The following APBA1 variants were observed in gnomAD, a reference collection of about 807,000 sequenced individuals.
APBA1 encodes the protein amyloid beta precursor protein binding family A member 1, also known as amyloid-beta A4 precursor protein-binding family A member 1.
Under a neutral mutation model 86.6 loss-of-function variants are expected in APBA1, and 55 were observed. The ratio of observed to expected loss-of-function variants is 0.64; its 90% confidence interval spans 0.51 to 0.80. The LOEUF (loss-of-function observed/expected upper bound fraction) is 0.80, where lower values mean the gene tolerates loss of function less well. Ranked by LOEUF, APBA1 falls within the 30% of genes least tolerant of loss-of-function variation. The pLI is 0.00. For missense variants in APBA1, 1,090 were observed against 1,183.0 expected (o/e 0.92, Z 1.15); for synonymous variants, 511 against 493.9 (o/e 1.03, Z -0.46).
chr9:69,450,567 T>C (rs1169296037), intron 9 of APBA1, among the ~76,000 whole-genome samples: 1 of 152,138 alleles, frequency 6.6e-6, no homozygotes, highest in Non-Finnish European at 1.5e-5. Flanking sequence ...CTGCTGAAGC[T>C]TACAGTCAGC....
intron 4 of APBA1, among the ~76,000 whole-genome samples, chr9:69,468,669 A>C (rs558682850): frequency 6.6e-5 from 10 of 152,208 alleles, no homozygotes; most frequent in Non-Finnish European, 1.5e-4. Context: ...AGGAAAATCA[A>C]ATTTTCTGTT....
chr9:69,658,277 T>TTTC (rs1554709942), intron 1 of APBA1, among the ~76,000 whole-genome samples: 3 of 27,628 alleles, frequency 1.1e-4, no homozygotes, highest in African/African-American at 2.2e-4. Context: ...TCTTTCTTTC[T>TTTC]TTCTTTCTCT....
chr9:69,604,899 G>A (rs1822441098), intron 1 of APBA1, among the ~76,000 whole-genome samples: 1 of 152,124 alleles, frequency 6.6e-6, no homozygotes, highest in Non-Finnish European at 1.5e-5. Context: ...GGTAAGAGGA[G>A]AGGCACACGG....
At chr9:69,601,491 G>A (rs2133973856) in intron 1 of APBA1, among the ~76,000 whole-genome samples, 1 of 152,292 alleles carries the variant, frequency 6.6e-6, no homozygotes, top group East Asian at 1.9e-4. Context: ...CTACTTGTTG[G>A]CAACTATTAA....
At chr9:69,598,494 C>A (rs951541922) in intron 1 of APBA1, among the ~76,000 whole-genome samples, 8 of 151,862 alleles carry the variant, frequency 5.3e-5, no homozygotes, top group Non-Finnish European at 4.4e-5. Context: ...ACACCTCACT[C>A]CAGGTGGGCA....
chr9:69,458,069 A>G, intron 6 of APBA1, 87 bp downstream of exon 6: 1 of 1,371,262 alleles, frequency 7.3e-7, no homozygotes, highest in Non-Finnish European at 9.9e-7. Flanking sequence ...TGCAGAAAAC[A>G]AAAACACGAA....
intron 1 of APBA1, among the ~76,000 whole-genome samples, chr9:69,571,410 T>C (rs1837112482): frequency 6.6e-6 from 1 of 152,178 alleles, no homozygotes; most frequent in African/African-American, 2.4e-5. Context: ...CTGAGAACAT[T>C]TAATATGCAT....
intron 2 of APBA1, among the ~76,000 whole-genome samples, chr9:69,491,816 G>A (rs968037128): frequency 2.0e-5 from 3 of 149,492 alleles, no homozygotes; most frequent in Non-Finnish European, 4.4e-5. Flanking sequence ...CGAGGCTGGA[G>A]TGCAGTGGTG....
intron 10 of APBA1, among the ~76,000 whole-genome samples, chr9:69,443,114 A>G (rs1834852368): frequency 6.6e-6 from 1 of 152,136 alleles, no homozygotes; most frequent in African/African-American, 2.4e-5. Flanking sequence ...GTGTACACCA[A>G]TGGCTCTTAA....
intron 11 of APBA1, among the ~76,000 whole-genome samples, chr9:69,440,703 A>T (rs1338616815): frequency 6.6e-6 from 1 of 152,156 alleles, no homozygotes; most frequent in African/African-American, 2.4e-5. Context: ...TGACTAGGAA[A>T]GGGAATTCCC....
intron 2 of APBA1, among the ~76,000 whole-genome samples, chr9:69,496,597 C>T (rs1835802562): frequency 6.6e-6 from 1 of 152,092 alleles, no homozygotes; most frequent in African/African-American, 2.4e-5. Context: ...ATTGCACCTA[C>T]TCTAATCCGA....
rs115436975 is a variant in APBA1 at position 69,609,916 on chromosome 9, G to A, written c.-70+62237C>T. ...CGGGCTCAAGTGATTCTCCCGCCCTGGTCTCCTAAAGTGCTGAGATTACAG... is the reference window on the plus strand; with the variant it reads ...CGGGCTCAAGTGATTCTCCCGCCCTAGTCTCCTAAAGTGCTGAGATTACAG... On this transcript the variant is annotated intron_variant, in intron 1 of 12. Coordinates refer to ENST00000265381, the MANE Select transcript of APBA1 (RefSeq NM_001163.4). Among the ~76,000 whole-genome samples the A allele has an allele frequency of 2.4e-3, 370 of 152,174 alleles. 1 individual carries two copies. Among genetic ancestry groups the A allele is most frequent in the African/African-American group, 8.2e-3 (339 of 41,520 alleles).
intron 1 of APBA1, among the ~76,000 whole-genome samples, chr9:69,619,423 C>T (rs555036544): frequency 2.0e-5 from 3 of 152,158 alleles, no homozygotes; most frequent in Admixed American, 6.5e-5. Flanking sequence ...GCTGTGTGAC[C>T]TTGTGCAAAC....
chr9:69,584,079 T>G (rs927823708), intron 1 of APBA1, among the ~76,000 whole-genome samples: 5 of 152,234 alleles, frequency 3.3e-5, no homozygotes, highest in African/African-American at 1.2e-4. Flanking sequence ...ACTCCCTTCT[T>G]GTGTGTTTCA....
chr9:69,532,089 T>C (rs1234535649), intron 1 of APBA1, among the ~76,000 whole-genome samples: 1 of 142,704 alleles, frequency 7.0e-6, no homozygotes, highest in African/African-American at 2.7e-5. Flanking sequence ...CAGGTGATAA[T>C]GGTTTATCAA....
At chr9:69,562,617 C>T (rs898026182) in intron 1 of APBA1, among the ~76,000 whole-genome samples, 1 of 152,114 alleles carries the variant, frequency 6.6e-6, no homozygotes, top group African/African-American at 2.4e-5. Context: ...TCATGTGATC[C>T]TCCTGCCTCA....
intron 11 of APBA1, among the ~76,000 whole-genome samples, chr9:69,436,415 G>T (rs576668331): frequency 6.6e-6 from 1 of 151,956 alleles, no homozygotes; most frequent in Non-Finnish European, 1.5e-5. Context: ...CCATGAGCAT[G>T]GAATGTTCTT....
chr9:69,654,801 T>A (rs534146442), intron 1 of APBA1, among the ~76,000 whole-genome samples: 173 of 152,294 alleles, frequency 1.1e-3, no homozygotes, highest in African/African-American at 3.9e-3. Context: ...GATGCAATAA[T>A]CTTCAACCGA....
Position 69,452,231 on chromosome 9 carries a change from C to G in APBA1, c.1859G>C (p.Gly620Ala). The G allele has an allele frequency of 2.5e-6, 4 of 1,614,210 alleles. No individual in the cohort carries two copies. The highest frequency in any genetic ancestry group is 3.4e-6 in the Non-Finnish European group (4 of 1,180,044). Residue 620 changes from glycine (G) to alanine (A), a missense_variant, in exon 9 of 13, where the codon GGG becomes GCG. Around this residue, in one of 6 missense-constraint regions of APBA1, gnomAD observed 97 missense variants for 166.8 expected, o/e 0.58. Transcript: ENST00000265381. ...VAYQEFLRAN[G>A]INPEDLSQKE... ...CTGGCTGAGATCTTCGGGGTTAATC[C>G]CATTGGCCCTGAGGAATTCCTGGTA...
Sources: gnomAD v4.1 joint callset for allele counts (sites outside exome capture counted in the v4.1 genomes callset) on GRCh38, gnomAD v4.1.1 for gene constraint, gnomAD v4.1.1 regional missense constraint, MANE v1.5 for transcripts, NCBI Gene and HGNC (gene_info 2026-07-23, HGNC 2026-07-21) for gene names.